Variants in CDH12 observed in about 807,000 individuals in gnomAD.
CDH12 encodes the protein cadherin 12.
Under a neutral mutation model 74.1 loss-of-function variants are expected in CDH12, and 41 were observed. The ratio of observed to expected loss-of-function variants is 0.55; its 90% CI spans 0.43 to 0.72. The LOEUF (loss-of-function observed/expected upper bound fraction) is 0.72. Among genes scored for constraint, CDH12 ranks in the 30% least tolerant of loss-of-function variants. The pLI is 0.00. For missense variants in CDH12, 945 were observed against 977.2 expected (o/e 0.97, Z 0.44); for synonymous variants, 399 against 355.0 (o/e 1.12, Z -1.39).
intron 3 of CDH12, among the ~76,000 whole-genome samples, chr5:22,310,225 C>T (rs1259142470): frequency 6.6e-6 from 1 of 152,060 alleles, no homozygotes; most frequent in Non-Finnish European, 1.5e-5. Flanking sequence ...CTTTGGGAGG[C>T]TGAGGTGGGT....
At chr5:22,270,610 T>C (rs565081946) in intron 3 of CDH12, among the ~76,000 whole-genome samples, 59 of 149,394 alleles carry the variant, frequency 3.9e-4, no homozygotes, top group African/African-American at 1.4e-3. Flanking sequence ...AAAAAATATA[T>C]ATATATATAT....
chr5:22,059,462 A>G (rs997851039), intron 5 of CDH12, among the ~76,000 whole-genome samples: 7 of 152,134 alleles, frequency 4.6e-5, no homozygotes, highest in Admixed American at 6.6e-5. Context: ...TTTGAAATGT[A>G]TTTGTGAAAG....
chr5:21,961,387 C>CAAAAA (rs940399425), intron 6 of CDH12, among the ~76,000 whole-genome samples: 1 of 150,488 alleles, frequency 6.6e-6, no homozygotes, highest in Non-Finnish European at 1.5e-5. Context: ...GACTCTGTCT[C>CAAAAA]AAAAAAAAAT....
chr5:22,492,499 C>A (rs1746918470), intron 2 of CDH12, among the ~76,000 whole-genome samples: 1 of 151,908 alleles, frequency 6.6e-6, no homozygotes, highest in Admixed American at 6.6e-5. Context: ...AGGCATACAC[C>A]AACATCCCCA....
intron 12 of CDH12, among the ~76,000 whole-genome samples, chr5:21,762,062 T>C (rs1277274192): frequency 6.6e-6 from 1 of 152,158 alleles, no homozygotes; most frequent in African/African-American, 2.4e-5. Flanking sequence ...TCACTCAATT[T>C]CATTGAGAAA....
chr5:22,420,455 T>A (rs1034780733), intron 2 of CDH12, among the ~76,000 whole-genome samples: 1 of 152,198 alleles, frequency 6.6e-6, no homozygotes, highest in Non-Finnish European at 1.5e-5. Context: ...TTTGTTTTTG[T>A]CAGATTTGTC....
At chr5:22,770,569 T>C (rs1264447863) in intron 1 of CDH12, among the ~76,000 whole-genome samples, 1 of 152,158 alleles carries the variant, frequency 6.6e-6, no homozygotes, top group Non-Finnish European at 1.5e-5. Context: ...AAAGCTAATT[T>C]ATTTGCTTCC....
At chr5:22,609,548 G>A (rs539330523) in intron 1 of CDH12, among the ~76,000 whole-genome samples, 17 of 152,274 alleles carry the variant, frequency 1.1e-4, no homozygotes, top group African/African-American at 3.6e-4. Flanking sequence ...TTGTTCATGT[G>A]TAAAAATATA....
chr5:22,238,260 C>G (rs961914228), intron 3 of CDH12, among the ~76,000 whole-genome samples: 16 of 152,190 alleles, frequency 1.1e-4, no homozygotes, highest in African/African-American at 3.9e-4. Context: ...TGCCATTTAT[C>G]ACCTCTATGG....
At chr5:22,751,397 T>C (rs1304145140) in intron 1 of CDH12, among the ~76,000 whole-genome samples, 1 of 150,166 alleles carries the variant, frequency 6.7e-6, no homozygotes, top group African/African-American at 2.4e-5. Flanking sequence ...TCCTTGAAGA[T>C]AAATCTGAGT....
At chr5:22,831,482 G>A (rs532032504) in intron 1 of CDH12, among the ~76,000 whole-genome samples, 9 of 151,830 alleles carry the variant, frequency 5.9e-5, no homozygotes, top group Admixed American at 5.3e-4. Flanking sequence ...GTAAATGGAG[G>A]ATGTCAAGTG....
intron 1 of CDH12, among the ~76,000 whole-genome samples, chr5:22,572,692 AAAGGGCTAAAACTCATAATTTTCT>A (rs560548711): frequency 1.6e-3 from 249 of 152,290 alleles, no homozygotes; most frequent in African/African-American, 5.8e-3. Context: ...TTGAATACTG[AAAGGGCTAAAACTCATAATTTTCT>A]TCTTCTTATC....
intron 1 of CDH12, among the ~76,000 whole-genome samples, chr5:22,707,783 C>T (rs1743092396): frequency 6.6e-6 from 1 of 152,072 alleles, no homozygotes. Flanking sequence ...TTTTGTGCTA[C>T]ACATATTTGA....
chr5:22,630,531 A>G (rs1299666841), intron 1 of CDH12, among the ~76,000 whole-genome samples: 3 of 152,174 alleles, frequency 2.0e-5, no homozygotes, highest in Non-Finnish European at 2.9e-5. Flanking sequence ...GGCCAAAACA[A>G]GCAACGGTGA....
At chr5:22,227,342 A>C (rs1752231373) in intron 3 of CDH12, among the ~76,000 whole-genome samples, 1 of 152,132 alleles carries the variant, frequency 6.6e-6, no homozygotes. Context: ...GTATTGAATC[A>C]GATAAATCAG....
chr5:22,611,281 T>C (rs1737385326), intron 1 of CDH12, among the ~76,000 whole-genome samples: 2 of 152,214 alleles, frequency 1.3e-5, no homozygotes, highest in African/African-American at 4.8e-5. Context: ...CTTCAGTCAA[T>C]TGAAAAACCA....
chr5:22,331,464 C>T (rs148541783), intron 3 of CDH12, among the ~76,000 whole-genome samples: 73 of 152,328 alleles, frequency 4.8e-4, no homozygotes, highest in African/African-American at 1.6e-3. Flanking sequence ...ATATCTAAGA[C>T]CACCAAGGTG....
chr5:22,006,462 C>T (rs1736964089), intron 5 of CDH12, among the ~76,000 whole-genome samples: 1 of 151,764 alleles, frequency 6.6e-6, no homozygotes, highest in African/African-American at 2.4e-5. Flanking sequence ...AGTCTCTACC[C>T]AGATGTCTCA....
chr5:22,809,103 G>A (rs1011760809), intron 1 of CDH12, among the ~76,000 whole-genome samples: 3 of 151,680 alleles, frequency 2.0e-5, no homozygotes, highest in South Asian at 2.1e-4. Flanking sequence ...AAAAAACTGT[G>A]TAATAAAATT....
Sources: allele counts gnomAD v4.1 joint callset (sites outside exome capture counted in the v4.1 genomes callset), GRCh38; gene constraint gnomAD v4.1.1; transcripts MANE v1.5; gene names NCBI Gene and HGNC (gene_info 2026-07-23, HGNC 2026-07-21).